The following COL6A3 variants were observed in gnomAD, a reference collection of about 807,000 sequenced individuals.
COL6A3 encodes collagen alpha-3(VI) chain.
In COL6A3, 137 loss-of-function variants were observed where a neutral mutation model predicts 274.1. The ratio of observed to expected loss-of-function variants is 0.50; its 90% confidence interval spans 0.44 to 0.58. The LOEUF (loss-of-function observed/expected upper bound fraction) is 0.58, where lower values mean the gene tolerates loss of function less well. Among genes scored for constraint, COL6A3 ranks in the 20% least tolerant of loss-of-function variants. The probability of loss-of-function intolerance (pLI) is 0.00; values close to 1 mark genes in which losing one functional copy is unlikely to be tolerated. For missense variants in COL6A3, 3,950 were observed against 4,124.9 expected (o/e 0.96, Z 1.16); for synonymous variants, 1,650 against 1,650.6 (o/e 1.00, Z 0.01).
At chr2:237,380,768 G>A in intron 5 of COL6A3, 147 bp downstream of exon 5, 2 of 791,540 alleles carry the variant, frequency 2.5e-6, no homozygotes, top group Admixed American at 4.1e-5. Flanking sequence ...AGTGCAAAAG[G>A]AAACCTGGAA....
chr2:237,324,593 A>G lies in COL6A3; in HGVS notation c.*181T>C. The G allele has an allele frequency of 1.6e-6, 1 of 638,908 alleles. No individual in the cohort carries two copies. The highest frequency in any genetic ancestry group is 1.8e-5 in the South Asian group (1 of 56,756). 39.6% of individuals were successfully genotyped at this position (638,908 alleles called of 1,614,324 possible). A position where few individuals can be genotyped will look rare whatever the true frequency, so the allele number is the denominator to read the frequency against. On this transcript the variant is annotated 3_prime_UTR_variant, in exon 44 of 44. Coordinates refer to ENST00000295550, the MANE Select transcript of COL6A3 (RefSeq NM_004369.4). ...CTGGAGACAGAGAGCGAGGGTCCAC[A>G]GACACATTAGCACCATACTGATAGG...
chr2:237,336,502 A>G lies in COL6A3; in HGVS notation c.8598T>C (p.Pro2866=), dbSNP rs1700559219. The G allele has an allele frequency of 4.3e-6, 7 of 1,614,112 alleles. No individual in the cohort carries two copies. The highest frequency in any genetic ancestry group is 5.9e-6 in the Non-Finnish European group (7 of 1,180,052). The change falls in exon 40 of 44, where the codon CCT becomes CCC. Residue 2866 remains proline (P), a synonymous_variant. Coordinates refer to ENST00000295550, the MANE Select transcript of COL6A3 (RefSeq NM_004369.4). ...VNVPNNVTSS[P]TSNPVTTTKP... ...TCGTTGTCGTCACTGGGTTGGATGT[A>G]GGACTTGAAGTAACGTTATTCGGAA...
intron 1 of COL6A3, among the ~76,000 whole-genome samples, chr2:237,412,052 C>T (rs1406866324): frequency 6.6e-6 from 1 of 152,214 alleles, no homozygotes; most frequent in Non-Finnish European, 1.5e-5. Context: ...CTTCTCTCGA[C>T]CATGAGTGAG....
chr2:237,327,638 A>G (rs1481509230), intron 42 of COL6A3: 1 of 152,212 alleles, frequency 6.6e-6, no homozygotes, highest in Non-Finnish European at 1.5e-5. Context: ...AGAGAAATAT[A>G]TTAGTGAGGT....
intron 6 of COL6A3, 53 bp downstream of exon 6, chr2:237,378,583 C>T (rs2106366373): frequency 6.2e-7 from 1 of 1,611,764 alleles, no homozygotes. Flanking sequence ...AACTACCCTC[C>T]AGGGTGGTGT....
rs780353083 is a variant in COL6A3 at position 237,387,774 on chromosome 2, C to T, written c.1120G>A (p.Val374Met). Residue 374 changes from valine to methionine, a missense_variant, in exon 4 of 44, where the codon GTG (valine) becomes ATG (methionine). By Grantham distance (21) the Val-to-Met change is conservative (BLOSUM62 1). Around this residue, in one of 5 missense-constraint regions of COL6A3, gnomAD observed 1,934 missense variants for 1,984.3 expected, o/e 0.97. Coordinates refer to ENST00000295550, the MANE Select transcript of COL6A3 (RefSeq NM_004369.4). ...YGVVALKQAS[V>M]FSFGLGAQAA... The stretch of plus-strand genomic sequence containing the variant: ...TGGGCTCCAAGGCCGAATGAGAACA[C>T]GCTAGCCTGCTTCAGTGCTACCACC... The T allele has an allele frequency of 4.5e-5, 72 of 1,613,930 alleles. No individual in the cohort carries two copies. Among genetic ancestry groups the T allele is most frequent in the African/African-American group, 2.0e-4 (15 of 74,926 alleles).
intron 36 of COL6A3, chr2:237,343,372 A>C (rs1007706182): frequency 6.6e-5 from 10 of 151,174 alleles, no homozygotes; most frequent in African/African-American, 2.2e-4. Context: ...AAAATTAGCC[A>C]GGCATGGTGG....
chr2:237,336,072 A>T, intron 40 of COL6A3, 63 bp downstream of exon 40: 1 of 1,594,246 alleles, frequency 6.3e-7, no homozygotes, highest in East Asian at 2.2e-5. Flanking sequence ...GCTTTGAGGA[A>T]CACACCCTGG....
At chr2:237,363,172 A>G in intron 14 of COL6A3, 81 bp downstream of exon 14, 1 of 1,204,756 alleles carries the variant, frequency 8.3e-7, no homozygotes, top group Non-Finnish European at 1.2e-6. Flanking sequence ...TCACCTGCTG[A>G]TAATTAACTT....
chr2:237,353,364 C>G lies in COL6A3; in HGVS notation c.6667G>C (p.Glu2223Gln), dbSNP rs1371390193. The change falls in exon 25 of 44, where the codon GAG (glutamate) becomes CAG (glutamine). Residue 2223 changes from glutamate to glutamine, a missense_variant. By Grantham distance (29) the Glu-to-Gln change is conservative. Coordinates refer to ENST00000295550, the MANE Select transcript of COL6A3 (RefSeq NM_004369.4). ...GGPGQPGFEG[E>Q]QGTRGAQGPA... ...ACCTGTGCACCTCTGGTCCCCTGCTCTCCCTCAAAGCCCGGCTGGCCAGGA... is the reference window on the plus strand; with the variant it reads ...ACCTGTGCACCTCTGGTCCCCTGCTGTCCCTCAAAGCCCGGCTGGCCAGGA... 1 of 1,614,208 alleles carries G rather than the reference C, an allele frequency of 6.2e-7. No individual in the cohort carries two copies. Among genetic ancestry groups the G allele is most frequent in the Admixed American group, 1.7e-5 (1 of 60,028 alleles).
chr2:237,386,827 G>C (rs1334643142), intron 4 of COL6A3, among the ~76,000 whole-genome samples: 1 of 152,134 alleles, frequency 6.6e-6, no homozygotes, highest in Admixed American at 6.5e-5. Flanking sequence ...AGTTCAAAAG[G>C]TAGAGGAGGC....
intron 23 of COL6A3, 194 bp downstream of exon 23, chr2:237,357,144 T>A: frequency 1.4e-6 from 1 of 713,760 alleles, no homozygotes; most frequent in Non-Finnish European, 2.6e-6. Flanking sequence ...AGAGCAAGAA[T>A]TGGGGAGAGA....
Position 237,345,228 on chromosome 2 carries a change from A to T in COL6A3, c.7093-15T>A. 6.2e-7 allele frequency: 1 copy of T among 1,613,830 alleles called. No individual in the cohort carries two copies. Among genetic ancestry groups the T allele is most frequent in the Non-Finnish European group, 8.5e-7 (1 of 1,179,746 alleles). On this transcript the variant is annotated splice_polypyrimidine_tract_variant and intron_variant, in intron 32 of 43. Coordinates refer to ENST00000295550, the MANE Select transcript of COL6A3 (RefSeq NM_004369.4). ...CCCTTGGGACCCTGTAAAACCAAGG[A>T]ACGAAAGGTGAGAGGCACAGCAGAT...
Position 237,324,744 on chromosome 2 carries a change from CA to C in COL6A3, c.*29del. ...TGGCGATGGCTGACTCCTTCTTCTT[CA>C]AGAGGTATATGATGTTGGCCACCCA... On this transcript the variant is annotated 3_prime_UTR_variant, in exon 44 of 44. Coordinates refer to ENST00000295550, the MANE Select transcript of COL6A3 (RefSeq NM_004369.4). 1.2e-6 allele frequency: 2 copies of C among 1,612,460 alleles called. No homozygotes were observed. The highest frequency in any genetic ancestry group is 1.7e-6 in the Non-Finnish European group (2 of 1,178,796).
In COL6A3 at chr2:237,381,006, C is replaced by T; in HGVS notation, c.1806G>A (p.Val602=). Residue 602 remains valine (V), a synonymous_variant, in exon 5 of 44, where the codon GTG becomes GTA. Transcript: ENST00000295550. ...CGGCTCGGAACTCAGCTGGGATGAA[C>T]ACCAGGGAGGAGTCGAAAGCGATCT... ...LEEIAFDSSL[V]FIPAEFRAAP... 1 of 1,614,212 alleles carries T rather than the reference C, an allele frequency of 6.2e-7. No homozygotes were observed. Among genetic ancestry groups the T allele is most frequent in the Non-Finnish European group, 8.5e-7 (1 of 1,180,040 alleles).
intron 32 of COL6A3, among the ~76,000 whole-genome samples, chr2:237,345,552 G>A (rs975386784): frequency 6.6e-6 from 1 of 152,126 alleles, no homozygotes; most frequent in African/African-American, 2.4e-5. Context: ...CGCTTGATAC[G>A]CTGTCCCCTG....
At position 237,400,625 on chromosome 2, in the gene COL6A3, T is replaced by TA. The variant is rs1026476548; in HGVS notation, c.-30-3779dup. On this transcript the variant is annotated intron_variant, in intron 1 of 43. Transcript: ENST00000295550. ...TGAATCGGTAATCAAAAACCTTCCA[T>TA]AAAAAAAAAACAAAAAACCCAGGAC... Among the ~76,000 whole-genome samples, 1,248 of 142,462 alleles carry TA rather than the reference T, an allele frequency of 8.8e-3. 14 individuals are homozygous for TA. Among genetic ancestry groups the TA allele is most frequent in the African/African-American group, 0.025 (972 of 39,042 alleles). 93.5% of individuals were successfully genotyped at this position (142,462 alleles called of 152,430 possible). A position where few individuals can be genotyped will look rare whatever the true frequency, so the allele number is the denominator to read the frequency against.
intron 3 of COL6A3, 66 bp downstream of exon 3, chr2:237,394,521 A>G: frequency 6.2e-7 from 1 of 1,608,478 alleles, no homozygotes; most frequent in Non-Finnish European, 8.5e-7. Context: ...CTTTAAGGCC[A>G]GCAGTTGCCA....
chr2:237,402,952 T>G (rs1396631950), intron 1 of COL6A3, among the ~76,000 whole-genome samples: 1 of 152,188 alleles, frequency 6.6e-6, no homozygotes, highest in African/African-American at 2.4e-5. Flanking sequence ...GATGATCTAA[T>G]GTTCTCAGCC....
Sources: gnomAD v4.1 joint callset for allele counts (sites outside exome capture counted in the v4.1 genomes callset) on GRCh38, gnomAD v4.1.1 for gene constraint, gnomAD v4.1.1 regional missense constraint, MANE v1.5 for transcripts, NCBI Gene and HGNC (gene_info 2026-07-23, HGNC 2026-07-21) for gene names.